Variants in PRDM15 observed in about 807,000 individuals in gnomAD.
PRDM15 encodes PR domain zinc finger protein 15.
PRDM15 carries 64 observed loss-of-function variants against 128.6 expected under a neutral mutation model. The observed-to-expected ratio is 0.50, with a 90% CI of 0.41 to 0.61. PRDM15 has a LOEUF of 0.61. Ranked by LOEUF, PRDM15 falls within the 20% of genes least tolerant of loss-of-function variation. The pLI is 0.00. For missense variants in PRDM15, 1,242 were observed against 1,569.1 expected (o/e 0.79, Z 3.52); for synonymous variants, 615 against 621.8 (o/e 0.99, Z 0.16).
Position 41,836,563 on chromosome 21 carries a change from T to C in PRDM15, c.1088A>G (p.Lys363Arg), listed in dbSNP as rs147996434. 1.1e-5 allele frequency: 17 copies of C among 1,613,534 alleles called. No individual in the cohort carries two copies. Among genetic ancestry groups the C allele is most frequent in the Non-Finnish European group, 7.6e-6 (9 of 1,179,960 alleles). The change falls in exon 9 of 24, where the codon AAA (lysine) becomes AGA (arginine). Residue 363 changes from lysine (K) to arginine (R), a missense_variant. Lys to Arg is a conservative substitution (Grantham distance 26). Coordinates refer to ENST00000398548, the MANE Select transcript of PRDM15 (RefSeq NM_001040424.3). ...SRHGIRRKLI[K>R]QLGEHKRVYQ... is the part of the protein sequence containing the mutation. ...AACCCGCTTGTGCTCCCCGAGCTGT[T>C]TGATGAGCTTGCGCCGGATGCCGTG...
rs2063805573 is a variant in PRDM15 at position 41,861,469 on chromosome 21, C to T, written c.-9-1097G>A. 5 of 1,093,796 alleles carry T rather than the reference C, an allele frequency of 4.6e-6. No homozygotes were observed. The South Asian group carries it at 4.6e-5, about 10-fold the overall frequency. The allele number at this position is 1,093,796 out of a possible 1,614,324, so 67.8% of individuals were successfully genotyped here. On this transcript the variant is annotated intron_variant, in intron 1 of 23. Transcript: ENST00000398548. ...TGGAAATAAAAACACCCACCTCATG[C>T]AGTTTGGGAGGAGCATAAAGTGAGA... is the stretch of plus-strand genomic sequence containing the variant.
intron 13 of PRDM15, among the ~76,000 whole-genome samples, chr21:41,825,400 C>T (rs966564730): frequency 1.3e-5 from 2 of 152,016 alleles, no homozygotes; most frequent in African/African-American, 4.8e-5. Context: ...CCAGGATGGC[C>T]CCCTCACCGT....
intron 6 of PRDM15, among the ~76,000 whole-genome samples, chr21:41,842,095 G>C (rs2063090341): frequency 6.6e-6 from 1 of 152,136 alleles, no homozygotes; most frequent in Non-Finnish European, 1.5e-5. Context: ...AATAAGAGCA[G>C]AAATAAAGTA....
At chr21:41,819,443 C>T (rs1335970872) in intron 18 of PRDM15, 139 bp downstream of exon 18, 2 of 1,075,910 alleles carry the variant, frequency 1.9e-6, no homozygotes, top group Non-Finnish European at 2.6e-6. Flanking sequence ...CTTTCCCACA[C>T]TCGGCCCGTG....
intron 6 of PRDM15, among the ~76,000 whole-genome samples, chr21:41,843,298 T>A (rs574697911): frequency 3.3e-5 from 5 of 152,184 alleles, no homozygotes; most frequent in Non-Finnish European, 7.3e-5. Context: ...CTCGATTTCT[T>A]TTCCTTTTTG....
rs202217046 is a variant in PRDM15 at position 41,854,827 on chromosome 21, G to A, written c.286-9C>T. On this transcript the variant is annotated splice_polypyrimidine_tract_variant and intron_variant, in intron 4 of 23. Coordinates refer to ENST00000398548, the MANE Select transcript of PRDM15 (RefSeq NM_001040424.3). The surrounding 1 kb of genome is among the most constrained non-coding windows in gnomAD (Gnocchi z 4.6). ...CCGTCCTTCTGGAACACCTGAAGGTGAGTCGGCCCATGGAGAAGCCGGGGA... is the reference window on the plus strand; with the variant it reads ...CCGTCCTTCTGGAACACCTGAAGGTAAGTCGGCCCATGGAGAAGCCGGGGA... The A allele has an allele frequency of 5.6e-5, 89 of 1,594,730 alleles. No individual in the cohort carries two copies. Among genetic ancestry groups the A allele is most frequent in the Non-Finnish European group, 7.5e-5 (87 of 1,166,520 alleles).
intron 1 of PRDM15, chr21:41,878,823 CGGGGGCCGCGGGGCCGCGGGCCG>C: frequency 1.9e-6 from 2 of 1,065,956 alleles, no homozygotes; most frequent in East Asian, 8.8e-5. Context: ...CGCCCGGCGG[CGGGGGCCGCGGGGCCGCGGGCCG>C]GGGCGGCGAA....
chr21:41,801,315 C>T lies in PRDM15; in HGVS notation c.3351G>A (p.Pro1117=), dbSNP rs759648530. 5.5e-5 allele frequency: 86 copies of T among 1,574,354 alleles called. No individual in the cohort carries two copies. Among genetic ancestry groups the T allele is most frequent in the Admixed American group, 1.8e-4 (10 of 57,120 alleles). The change falls in exon 24 of 24, where the codon CCG becomes CCA. Residue 1117 remains proline (P), a synonymous_variant. Transcript: ENST00000398548. ...GGGCCGCCTGCTGTGGGGGTGCCTGCGGCTGCGAGGGTGGCAAGACGTCAG... is the reference window on the plus strand; with the variant it reads ...GGGCCGCCTGCTGTGGGGGTGCCTGTGGCTGCGAGGGTGGCAAGACGTCAG... ...PQTDVLPPSQ[P]QAPPQQAAQP...
At chr21:41,839,586 C>T in intron 7 of PRDM15, 37 bp downstream of exon 7, 1 of 1,588,598 alleles carries the variant, frequency 6.3e-7, no homozygotes, top group Non-Finnish European at 8.6e-7. Context: ...AGGGCTGCGC[C>T]CCACGCAGGC....
In PRDM15 at chr21:41,878,824, G is replaced by T. The variant is rs1601521837; in HGVS notation, c.-10+446C>A. On this transcript the variant is annotated intron_variant, in intron 1 of 23. Coordinates refer to ENST00000398548, the MANE Select transcript of PRDM15 (RefSeq NM_001040424.3). ...CTCGGCGACGACGCCGCCCGGCGGC[G>T]GGGGCCGCGGGGCCGCGGGCCGGGG... is the stretch of plus-strand genomic sequence containing the variant. 1.8e-5 allele frequency: 19 copies of T among 1,061,170 alleles called. No individual in the cohort carries two copies. The highest frequency in any genetic ancestry group is 1.8e-4 in the East Asian group (4 of 22,682). The allele number at this position is 1,061,170 out of a possible 1,614,324, so 65.7% of individuals were successfully genotyped here. A position where few individuals can be genotyped will look rare whatever the true frequency, so the allele number is the denominator to read the frequency against.
At chr21:41,851,466 A>G (rs1304522966) in intron 5 of PRDM15, among the ~76,000 whole-genome samples, 1 of 152,182 alleles carries the variant, frequency 6.6e-6, no homozygotes, top group Non-Finnish European at 1.5e-5. Context: ...TAGAAGCGCC[A>G]CTGTGCCTCG....
chr21:41,857,480 G>A (rs2063671673), intron 3 of PRDM15, 151 bp from the exon 4 acceptor site: 1 of 805,560 alleles, frequency 1.2e-6, no homozygotes, highest in Non-Finnish European at 1.9e-6. Flanking sequence ...TCCAGGCCAG[G>A]CTTGGTGGCT....
At chr21:41,861,803 C>A (rs372168485) in intron 1 of PRDM15, 485 of 1,595,712 alleles carry the variant, frequency 3.0e-4, no homozygotes, top group Non-Finnish European at 4.0e-4. Flanking sequence ...GAGTTAGCTA[C>A]AAGGAAGTGA....
intron 1 of PRDM15, among the ~76,000 whole-genome samples, chr21:41,864,057 G>A (rs560424249): frequency 6.6e-6 from 1 of 152,194 alleles, no homozygotes; most frequent in Non-Finnish European, 1.5e-5. Context: ...TTGGCCAGGA[G>A]GGCCTCGATC....
chr21:41,878,545 C>A lies in PRDM15; in HGVS notation c.-10+725G>T, dbSNP rs1284749833. 4 of 445,334 alleles carry A rather than the reference C, an allele frequency of 9.0e-6. No individual in the cohort carries two copies. In the South Asian group the frequency reaches 1.2e-4, roughly 13 times the overall value. The allele number at this position is 445,334 out of a possible 1,614,324, so 27.6% of individuals were successfully genotyped here. Reference sequence around the variant, plus strand: ...TCCCCACCTGTCCACGCGAGGCGGGCCTCACCTGAGCGGCCGGGCACGCCC... The same window carrying A: ...TCCCCACCTGTCCACGCGAGGCGGGACTCACCTGAGCGGCCGGGCACGCCC... On this transcript the variant is annotated intron_variant, in intron 1 of 23. Coordinates refer to ENST00000398548, the MANE Select transcript of PRDM15 (RefSeq NM_001040424.3).
At chr21:41,855,237 G>A (rs576321487) in intron 4 of PRDM15, among the ~76,000 whole-genome samples, 1 of 152,278 alleles carries the variant, frequency 6.6e-6, no homozygotes, top group East Asian at 1.9e-4. Context: ...CTCTCCAGAT[G>A]GCCCACTGGG....
chr21:41,869,456 T>G (rs1164490568), intron 1 of PRDM15, among the ~76,000 whole-genome samples: 2 of 151,486 alleles, frequency 1.3e-5, no homozygotes, highest in African/African-American at 4.9e-5. Flanking sequence ...TTTTTTTTTT[T>G]TTGAGACATG....
chr21:41,827,290 G>GT (rs2062504935), intron 12 of PRDM15, among the ~76,000 whole-genome samples: 2 of 152,272 alleles, frequency 1.3e-5, no homozygotes, highest in African/African-American at 4.8e-5. Flanking sequence ...TTCCAGCCTT[G>GT]TTTTTTTAAA....
At chr21:41,846,397 C>A (rs1186380204) in intron 6 of PRDM15, among the ~76,000 whole-genome samples, 1 of 152,210 alleles carries the variant, frequency 6.6e-6, no homozygotes, top group Non-Finnish European at 1.5e-5. Flanking sequence ...GGAATCTCAA[C>A]CTGAGTAGAT....
Sources: allele counts gnomAD v4.1 joint callset (sites outside exome capture counted in the v4.1 genomes callset), GRCh38; gene constraint gnomAD v4.1.1; non-coding constraint Gnocchi (gnomAD v3.1); transcripts MANE v1.5; gene names NCBI Gene and HGNC (gene_info 2026-07-23, HGNC 2026-07-21).